Variants in NXPE2 observed in about 807,000 individuals in gnomAD.
NXPE2 encodes neurexophilin and PC-esterase domain family member 2.
In NXPE2, 34 loss-of-function variants were observed where a neutral mutation model predicts 34.4. The ratio of observed to expected loss-of-function variants is 0.99; its 90% CI spans 0.75 to 1.31. The LOEUF is 1.31. NXPE2 is among the 40% of genes most tolerant of loss of function. The probability of loss-of-function intolerance (pLI) is 0.00; values close to 1 mark genes in which losing one functional copy is unlikely to be tolerated. For missense variants in NXPE2, 649 were observed against 672.5 expected (o/e 0.97, Z 0.39); for synonymous variants, 235 against 231.3 (o/e 1.02, Z -0.15).
At position 114,706,659 on chromosome 11, in the gene NXPE2, A is replaced by T. The variant is rs1259376120; in HGVS notation, c.1409A>T (p.Gln470Leu). The change falls in exon 6 of 6, where the codon CAA becomes CTA. Residue 470 changes from glutamine to leucine, a missense_variant. Coordinates refer to ENST00000389586, the MANE Select transcript of NXPE2 (RefSeq NM_182495.6). ...TTCATCCGTAGGGCCATCAATATTC[A>T]AAAGGCCATTGAACGTCTATTCTTG... ...NIFIRRAINIQKAIERLFLRS... is the reference protein window; with the variant it reads ...NIFIRRAINILKAIERLFLRS... 1 of 1,551,904 alleles carries T rather than the reference A, an allele frequency of 6.4e-7. No individual in the cohort carries two copies. The highest frequency in any genetic ancestry group is 2.4e-5 in the East Asian group (1 of 41,080).
the NXPE2 span, among the ~76,000 whole-genome samples, chr11:114,780,408 G>A: frequency 6.6e-6 from 1 of 152,244 alleles, no homozygotes; most frequent in Non-Finnish European, 1.5e-5. Context: ...AATGGGTGCT[G>A]ATGCTGGGTT....
the NXPE2 span, among the ~76,000 whole-genome samples, chr11:114,723,712 A>T: frequency 3.3e-5 from 5 of 151,926 alleles, no homozygotes; most frequent in African/African-American, 1.2e-4. Flanking sequence ...AGCTTTACAA[A>T]GTCTCTGGTG....
chr11:114,766,397 C>T, the NXPE2 span, among the ~76,000 whole-genome samples: 1 of 152,172 alleles, frequency 6.6e-6, no homozygotes, highest in African/African-American at 2.4e-5. Context: ...CTTCATCCAA[C>T]TACTCACTGA....
chr11:114,787,431 G>A, the NXPE2 span, among the ~76,000 whole-genome samples: 1 of 152,144 alleles, frequency 6.6e-6, no homozygotes, highest in Non-Finnish European at 1.5e-5. Context: ...TAAGACAATG[G>A]CTGAGCTGAT....
chr11:114,467,441 G>C, the NXPE2 span, among the ~76,000 whole-genome samples: 1 of 152,118 alleles, frequency 6.6e-6, no homozygotes, highest in Non-Finnish European at 1.5e-5. Flanking sequence ...TAGAGGCCTA[G>C]GAAATATGTA....
the NXPE2 span, among the ~76,000 whole-genome samples, chr11:114,588,966 T>C: frequency 6.6e-6 from 1 of 152,042 alleles, no homozygotes; most frequent in Non-Finnish European, 1.5e-5. Context: ...CCTTAGTCTT[T>C]TATAGTAGGG....
chr11:114,587,240 G>A, the NXPE2 span, among the ~76,000 whole-genome samples: 1 of 152,210 alleles, frequency 6.6e-6, no homozygotes. Flanking sequence ...GGTCCCATCA[G>A]CAGGAAAACA....
At chr11:114,748,334 C>T in the NXPE2 span, among the ~76,000 whole-genome samples, 1 of 152,170 alleles carries the variant, frequency 6.6e-6, no homozygotes, top group Non-Finnish European at 1.5e-5. Flanking sequence ...TAAACCAAGA[C>T]ACAACCTGCA....
chr11:114,798,577 T>C, the NXPE2 span, among the ~76,000 whole-genome samples: 19 of 152,086 alleles, frequency 1.2e-4, no homozygotes, highest in Non-Finnish European at 7.4e-5. Flanking sequence ...ACAGACGGGG[T>C]TTCACCCTGT....
At chr11:114,486,171 T>C in the NXPE2 span, among the ~76,000 whole-genome samples, 1 of 152,314 alleles carries the variant, frequency 6.6e-6, no homozygotes, top group Admixed American at 6.5e-5. Context: ...GCCTGTGTTT[T>C]GGATAAAAGC....
the NXPE2 span, among the ~76,000 whole-genome samples, chr11:114,798,266 A>T: frequency 6.6e-6 from 1 of 152,242 alleles, no homozygotes; most frequent in Non-Finnish European, 1.5e-5. Context: ...AACAGGTAAC[A>T]GTTACCTGAA....
At chr11:114,476,604 G>C in the NXPE2 span, among the ~76,000 whole-genome samples, 1 of 152,186 alleles carries the variant, frequency 6.6e-6, no homozygotes, top group Non-Finnish European at 1.5e-5. Flanking sequence ...GGTGGAAGGT[G>C]AAGGGGAAGC....
chr11:114,555,231 AT>A, the NXPE2 span, among the ~76,000 whole-genome samples: 5 of 149,850 alleles, frequency 3.3e-5, no homozygotes, highest in African/African-American at 9.8e-5. Flanking sequence ...AGAATACATG[AT>A]TTTTTTTTTG....
At chr11:114,807,235 A>T in the NXPE2 span, among the ~76,000 whole-genome samples, 1,402 of 151,950 alleles carry the variant, frequency 9.2e-3, 30 homozygotes, top group African/African-American at 0.032. Context: ...CACTGCAAAA[A>T]CATGCCAAAC....
the NXPE2 span, among the ~76,000 whole-genome samples, chr11:114,539,877 A>G: frequency 1.3e-5 from 2 of 152,228 alleles, no homozygotes; most frequent in South Asian, 2.1e-4. Flanking sequence ...AATTGTATCA[A>G]GAAAATGGTT....
the NXPE2 span, among the ~76,000 whole-genome samples, chr11:114,493,295 G>A: frequency 1.3e-5 from 2 of 152,188 alleles, no homozygotes; most frequent in Middle Eastern, 3.4e-3. Context: ...TGATTGAAGA[G>A]TTTAGTTCAT....
At chr11:114,677,981 G>A (rs1950877409), upstream of NXPE2, among the ~76,000 whole-genome samples, 1 of 152,098 alleles carries the variant, frequency 6.6e-6, no homozygotes. Flanking sequence ...TCAAGTTGCA[G>A]TGAGATTTAG....
the NXPE2 span, among the ~76,000 whole-genome samples, chr11:114,663,686 CTATCTA>C: frequency 6.9e-4 from 101 of 146,350 alleles, no homozygotes; most frequent in African/African-American, 2.7e-3. Context: ...ATTTATCTAT[CTATCTA>C]TCTATCTATC....
chr11:114,583,970 AT>A, the NXPE2 span: 2 of 376,034 alleles, frequency 5.3e-6, no homozygotes, highest in Non-Finnish European at 1.0e-5. Flanking sequence ...CTATGAGGCC[AT>A]TTTCAAACTG....
Sources: gnomAD v4.1 joint callset for allele counts (sites outside exome capture counted in the v4.1 genomes callset) on GRCh38, gnomAD v4.1.1 for gene constraint, MANE v1.5 for transcripts, NCBI Gene and HGNC (gene_info 2026-07-23, HGNC 2026-07-21) for gene names.